Variants in ACO1 observed in about 807,000 individuals in gnomAD.
The protein encoded by ACO1 is aconitase 1.
ACO1 carries 78 observed loss-of-function variants against 105.1 expected under a neutral mutation model. The ratio of observed to expected loss-of-function variants is 0.74; its 90% CI spans 0.62 to 0.90. ACO1 has a LOEUF of 0.90. Ranked by LOEUF, ACO1 falls within the 40% of genes least tolerant of loss-of-function variation. The pLI, the probability that ACO1 is intolerant of heterozygous loss-of-function variation, is 0.00. For missense variants in ACO1, 965 were observed against 1,111.1 expected (o/e 0.87, Z 1.87); for synonymous variants, 364 against 397.4 (o/e 0.92, Z 1.00).
Position 32,412,981 on chromosome 9 carries a change from G to T in ACO1, c.404+4330G>T, listed in dbSNP as rs538532784. Among the ~76,000 whole-genome samples, 6 of 151,900 alleles carry T rather than the reference G, an allele frequency of 3.9e-5. No homozygotes were observed. In the East Asian group the frequency reaches 1.2e-3, roughly 29 times the overall value. ...TGACTCAAAATTCAAAGAGCTCATG[G>T]CTGTTAATGCATCTTGAACTTGGGT... is the stretch of plus-strand genomic sequence containing the variant. On this transcript the variant is annotated intron_variant, in intron 4 of 20. Transcript: ENST00000309951.
chr9:32,420,081 C>G (rs1821936101), intron 7 of ACO1, among the ~76,000 whole-genome samples: 1 of 104,640 alleles, frequency 9.6e-6, no homozygotes, highest in African/African-American at 2.7e-5. Flanking sequence ...ACAGGACTTC[C>G]TCACAAAATT....
intron 4 of ACO1, among the ~76,000 whole-genome samples, chr9:32,409,964 T>C (rs571355516): frequency 1.3e-4 from 20 of 152,368 alleles, no homozygotes; most frequent in Non-Finnish European, 2.5e-4. Context: ...TCAAAATATG[T>C]GTACCATTTG....
At chr9:32,422,155 T>C (rs539783550) in intron 8 of ACO1, among the ~76,000 whole-genome samples, 2 of 152,250 alleles carry the variant, frequency 1.3e-5, no homozygotes, top group African/African-American at 4.8e-5. Context: ...GTGAGATGGA[T>C]CTAGAGGGAA....
At chr9:32,425,727 T>G (rs1822075764) in intron 10 of ACO1, 111 bp from the exon 11 acceptor site, 4 of 687,666 alleles carry the variant, frequency 5.8e-6, no homozygotes, top group Non-Finnish European at 8.7e-6. Context: ...AAAGTATTCC[T>G]TCTTCTCAAG....
At chr9:32,396,425 G>A (rs1304612980) in intron 1 of ACO1, among the ~76,000 whole-genome samples, 1 of 151,718 alleles carries the variant, frequency 6.6e-6, no homozygotes, top group Non-Finnish European at 1.5e-5. Context: ...ATTGGCTAAA[G>A]AGCCTCATGT....
intron 1 of ACO1, among the ~76,000 whole-genome samples, chr9:32,399,794 G>T (rs560604296): frequency 2.1e-5 from 3 of 144,600 alleles, no homozygotes; most frequent in South Asian, 2.3e-4. Flanking sequence ...GCAAAACAAT[G>T]TGAGGTCTAG....
At chr9:32,428,920 C>T (rs945995229) in intron 12 of ACO1, among the ~76,000 whole-genome samples, 4 of 152,124 alleles carry the variant, frequency 2.6e-5, no homozygotes, top group Non-Finnish European at 4.4e-5. Flanking sequence ...TGTGACATCA[C>T]GATGGCTACA....
intron 15 of ACO1, among the ~76,000 whole-genome samples, chr9:32,432,567 C>T (rs1556138): frequency 0.31 from 46,419 of 151,820 alleles, 7,542 homozygotes; most frequent in East Asian, 0.51. Context: ...CTCCAAAGGC[C>T]GAGTTAATGG....
chr9:32,443,785 G>A (rs1444430127), intron 19 of ACO1, among the ~76,000 whole-genome samples: 1 of 152,122 alleles, frequency 6.6e-6, no homozygotes, highest in Non-Finnish European at 1.5e-5. Flanking sequence ...CAAGGCAAAG[G>A]TTACAAAATA....
In ACO1 at chr9:32,440,572, G is replaced by A. The variant is rs1242267084; in HGVS notation, c.2355G>A (p.Lys785=). 2 of 1,613,918 alleles carry A rather than the reference G, an allele frequency of 1.2e-6. No homozygotes were observed. The highest frequency in any genetic ancestry group is 1.7e-5 in the Admixed American group (1 of 60,010). The change falls in exon 19 of 21, where the codon AAG becomes AAA. Residue 785 remains lysine (K), a synonymous_variant. Coordinates refer to ENST00000309951, the MANE Select transcript of ACO1 (RefSeq NM_002197.3). The part of the protein sequence containing the change: ...GAGSSRDWAA[K]GPFLLGIKAV... ...GCAGCTCCCGAGACTGGGCAGCTAA[G>A]GGCCCTTTCCTGCTGGTGAGTATGA...
chr9:32,423,210 G>C, intron 8 of ACO1, 109 bp from the exon 9 acceptor site: 1 of 586,602 alleles, frequency 1.7e-6, no homozygotes, highest in Non-Finnish European at 3.0e-6. Flanking sequence ...GTGTGTAAGT[G>C]CAGCGTATGT....
Position 32,418,134 on chromosome 9 carries a change from C to T in ACO1, c.411C>T (p.Asp137=). Residue 137 remains aspartate (D), a synonymous_variant, in exon 5 of 21, where the codon GAC becomes GAT. Coordinates refer to ENST00000309951, the MANE Select transcript of ACO1 (RefSeq NM_002197.3). ...TAATTTTTCTCTCTGACAGGGCAGA[C>T]AGTTTACAGAAGAATCAAGACCTGG... The part of the protein sequence containing the change: ...SIQVDFNRRA[D]SLQKNQDLEF... The T allele has an allele frequency of 6.2e-7, 1 of 1,613,988 alleles. No individual in the cohort carries two copies. The highest frequency in any genetic ancestry group is 1.1e-5 in the South Asian group (1 of 91,072).
chr9:32,442,873 G>A (rs1822513433), intron 19 of ACO1, among the ~76,000 whole-genome samples: 1 of 152,134 alleles, frequency 6.6e-6, no homozygotes, highest in African/African-American at 2.4e-5. Flanking sequence ...CTACATCCCC[G>A]GGTTAGTGGA....
At chr9:32,434,509 C>G in intron 16 of ACO1, 50 bp from the exon 17 acceptor site, 1 of 1,610,086 alleles carries the variant, frequency 6.2e-7, no homozygotes, top group Middle Eastern at 1.7e-4. Context: ...GATCTGGTAA[C>G]TTGTTTGGGA....
At chr9:32,433,893 C>T (rs1220220143) in intron 16 of ACO1, 61 bp downstream of exon 16, 2 of 1,282,578 alleles carry the variant, frequency 1.6e-6, no homozygotes, top group African/African-American at 1.5e-5. Context: ...CTAATAATAT[C>T]TACTTTATTA....
At position 32,429,505 on chromosome 9, in the gene ACO1, T is replaced by C. The variant is rs1252563311; in HGVS notation, c.1569+2T>C. 1 of 1,613,704 alleles carries C rather than the reference T, an allele frequency of 6.2e-7. No homozygotes were observed. ...CCTGTGGTAGAAGCCATCACACAGG[T>C]AATTGCAGAGGTCCCTGCAGGTCTT... On this transcript the variant is annotated splice_donor_variant, in intron 13 of 20. Coordinates refer to ENST00000309951, the MANE Select transcript of ACO1 (RefSeq NM_002197.3). LOFTEE classifies it high-confidence loss of function.
chr9:32,437,939 A>C (rs1822400116), intron 18 of ACO1, among the ~76,000 whole-genome samples: 1 of 152,152 alleles, frequency 6.6e-6, no homozygotes, highest in South Asian at 2.1e-4. Flanking sequence ...AGAAGTGTTA[A>C]AAAGAGAACA....
intron 15 of ACO1, among the ~76,000 whole-genome samples, chr9:32,432,538 C>T (rs1302068816): frequency 6.6e-6 from 1 of 152,058 alleles, no homozygotes; most frequent in East Asian, 1.9e-4. Context: ...GCTTGGCAGG[C>T]ATTATGTTAA....
intron 1 of ACO1, among the ~76,000 whole-genome samples, chr9:32,388,639 C>T (rs769063602): frequency 1.1e-4 from 16 of 152,040 alleles, no homozygotes; most frequent in Non-Finnish European, 1.9e-4. Flanking sequence ...AAGTTGTGTG[C>T]ATGTGTCATT....
Sources: gnomAD v4.1 joint callset for allele counts (sites outside exome capture counted in the v4.1 genomes callset) on GRCh38, gnomAD v4.1.1 for gene constraint, MANE v1.5 for transcripts, NCBI Gene and HGNC (gene_info 2026-07-23, HGNC 2026-07-21) for gene names.